The following MALRD1 variants were observed in gnomAD, a reference collection of about 807,000 sequenced individuals.
MALRD1 encodes MAM and LDL receptor class A domain containing 1, also known as MAM and LDL-receptor class A domain-containing protein 1.
MALRD1 carries 247 observed loss-of-function variants against 242.1 expected under a neutral mutation model. The observed-to-expected ratio is 1.02, with a 90% CI of 0.92 to 1.13. The LOEUF (loss-of-function observed/expected upper bound fraction) is 1.13. Among genes scored for constraint, MALRD1 ranks in the 50% most tolerant of loss-of-function variants. The pLI, the probability that MALRD1 is intolerant of heterozygous loss-of-function variation, is 0.00. For missense variants in MALRD1, 2,989 were observed against 2,533.1 expected (o/e 1.18, Z -3.86); for synonymous variants, 995 against 866.6 (o/e 1.15, Z -2.60).
intron 29 of MALRD1, among the ~76,000 whole-genome samples, chr10:19,462,965 CT>C (rs2131102775): frequency 6.6e-6 from 1 of 152,164 alleles, no homozygotes; most frequent in South Asian, 2.1e-4. Context: ...TTTCTTGAAG[CT>C]TTTGTGTATT....
In MALRD1 at chr10:19,066,752, G is replaced by C; in HGVS notation, c.233G>C (p.Gly78Ala). The C allele has an allele frequency of 8.1e-7, 1 of 1,233,644 alleles. No individual in the cohort carries two copies. Among genetic ancestry groups the C allele is most frequent in the Non-Finnish European group, 1.0e-6 (1 of 987,994 alleles). The allele number at this position is 1,233,644 out of a possible 1,614,324, so 76.4% of individuals were successfully genotyped here. ...LNYERCDFED[G>A]LCHMTQDQSL... ...TATGAAAGATGTGATTTTGAGGATG[G>C]TCTCTGTCATATGACTCAAGATCAG... The change falls in exon 2 of 40, where the codon GGT becomes GCT. Residue 78 changes from glycine (G) to alanine (A), a missense_variant. Physicochemically the swap from Gly to Ala is moderately conservative, Grantham distance 60. Coordinates refer to ENST00000454679, the MANE Select transcript of MALRD1 (RefSeq NM_001142308.3).
intron 31 of MALRD1, among the ~76,000 whole-genome samples, chr10:19,518,290 A>G (rs746375965): frequency 2.6e-5 from 4 of 152,250 alleles, no homozygotes; most frequent in Non-Finnish European, 4.4e-5. Context: ...TAATTTAACA[A>G]CATTAACATG....
At position 19,719,242 on chromosome 10, in the gene MALRD1, A is replaced by G. The variant is rs868379568; in HGVS notation, c.6315-11464A>G. 6.7e-5 allele frequency among the ~76,000 whole-genome samples: 8 copies of G among 119,754 alleles called. 1 individual carries two copies. Among genetic ancestry groups the G allele is most frequent in the African/African-American group, 1.8e-4 (6 of 33,538 alleles). The allele number at this position is 119,754 out of a possible 152,430, so 78.6% of individuals were successfully genotyped here. A position where few individuals can be genotyped will look rare whatever the true frequency, so the allele number is the denominator to read the frequency against. On this transcript the variant is annotated intron_variant, in intron 38 of 39. Transcript: ENST00000454679. ...TACATACATATATATATATATATAT[A>G]TATATATATATATATATGCTATCAA...
At chr10:19,263,660 C>T (rs963289124) in intron 19 of MALRD1, among the ~76,000 whole-genome samples, 3 of 152,066 alleles carry the variant, frequency 2.0e-5, no homozygotes, top group Admixed American at 1.3e-4. Flanking sequence ...ATGTAGATAT[C>T]CATTTCTTTA....
chr10:19,559,130 C>T (rs761615693), intron 32 of MALRD1, among the ~76,000 whole-genome samples: 29 of 151,822 alleles, frequency 1.9e-4, no homozygotes, highest in Admixed American at 2.0e-4. Context: ...TTGCAGTGAG[C>T]CGAGATAGTA....
chr10:19,161,284 A>G (rs1446270655), intron 12 of MALRD1, among the ~76,000 whole-genome samples: 13 of 105,868 alleles, frequency 1.2e-4, no homozygotes, highest in African/African-American at 4.0e-4. Flanking sequence ...ATTCTCACTC[A>G]TAGGTGGGAA....
chr10:19,130,566 A>G (rs1833061306), intron 8 of MALRD1, among the ~76,000 whole-genome samples: 1 of 152,172 alleles, frequency 6.6e-6, no homozygotes, highest in African/African-American at 2.4e-5. Context: ...GTATTATAAT[A>G]TGGTCTAATC....
At chr10:19,682,725 A>G (rs2131797979) in intron 36 of MALRD1, among the ~76,000 whole-genome samples, 1 of 152,304 alleles carries the variant, frequency 6.6e-6, no homozygotes, top group South Asian at 2.1e-4. Context: ...CACCCATGAC[A>G]ATGAGAATAG....
intron 28 of MALRD1, among the ~76,000 whole-genome samples, chr10:19,429,507 T>A (rs1834036418): frequency 6.6e-6 from 1 of 152,086 alleles, no homozygotes; most frequent in Non-Finnish European, 1.5e-5. Flanking sequence ...GAGGTTGCGG[T>A]GAGCCGAGGC....
At chr10:19,466,081 T>A (rs1836205218) in intron 29 of MALRD1, among the ~76,000 whole-genome samples, 1 of 152,220 alleles carries the variant, frequency 6.6e-6, no homozygotes. Context: ...GGTTGAATGT[T>A]TTTTAAAGAT....
chr10:19,583,349 T>G (rs1474531818), intron 33 of MALRD1, among the ~76,000 whole-genome samples: 1 of 150,690 alleles, frequency 6.6e-6, no homozygotes, highest in Non-Finnish European at 1.5e-5. Flanking sequence ...AGTATGATAT[T>G]GGCTGTGGGT....
At chr10:19,287,214 T>C (rs28375569) in intron 21 of MALRD1, among the ~76,000 whole-genome samples, 18,015 of 152,062 alleles carry the variant, frequency 0.12, 1,150 homozygotes, top group East Asian at 0.17. Flanking sequence ...TCCTATTATG[T>C]CCTAAGATCA....
At chr10:19,292,374 G>T (rs890719782) in intron 21 of MALRD1, among the ~76,000 whole-genome samples, 1 of 151,970 alleles carries the variant, frequency 6.6e-6, no homozygotes, top group African/African-American at 2.4e-5. Context: ...TTAAAATGTT[G>T]TGGATTTGCT....
chr10:19,125,318 CTTCCTTCTTTCT>C lies in MALRD1; in HGVS notation c.943+652_943+663del, dbSNP rs1281075637. Among the ~76,000 whole-genome samples, 432 of 79,916 alleles carry C rather than the reference CTTCCTTCTTTCT, an allele frequency of 5.4e-3. 2 individuals carry two copies. The highest frequency in any genetic ancestry group is 7.0e-3 in the South Asian group (14 of 2,000). The allele number at this position is 79,916 out of a possible 152,430, so 52.4% of individuals were successfully genotyped here. A position where few individuals can be genotyped will look rare whatever the true frequency, so the allele number is the denominator to read the frequency against. Reference sequence around the variant, plus strand: ...CCTTCCTTCCTTCCTTCCTTCCTTCCTTCCTTCTTTCTTTCTTTCTTTCTTTCTTTCTTTCTT... The same window carrying C: ...CCTTCCTTCCTTCCTTCCTTCCTTCCTTCTTTCTTTCTTTCTTTCTTTCTT... On this transcript the variant is annotated intron_variant, in intron 7 of 39. Coordinates refer to ENST00000454679, the MANE Select transcript of MALRD1 (RefSeq NM_001142308.3).
intron 1 of MALRD1, among the ~76,000 whole-genome samples, chr10:19,056,048 G>GT (rs1316374307): frequency 6.6e-6 from 1 of 152,078 alleles, no homozygotes; most frequent in African/African-American, 2.4e-5. Flanking sequence ...TTCTGTTGGT[G>GT]TATGTGTCTG....
intron 18 of MALRD1, among the ~76,000 whole-genome samples, chr10:19,249,191 T>G (rs112719421): frequency 6.6e-6 from 1 of 151,098 alleles, no homozygotes; most frequent in Non-Finnish European, 1.5e-5. Flanking sequence ...TAACCGAAGA[T>G]TGAAGGAAAG....
intron 24 of MALRD1, among the ~76,000 whole-genome samples, chr10:19,345,166 C>T (rs753475792): frequency 5.9e-5 from 9 of 152,016 alleles, no homozygotes; most frequent in Non-Finnish European, 1.3e-4. Context: ...TAGAAATAAA[C>T]TTTCCAAGGA....
chr10:19,716,830 A>C (rs1368992201), intron 38 of MALRD1: 1 of 152,228 alleles, frequency 6.6e-6, no homozygotes. Context: ...CATGCATGTT[A>C]CATTTAGAAA....
At chr10:19,665,131 G>A (rs527876859) in intron 36 of MALRD1, among the ~76,000 whole-genome samples, 4 of 152,212 alleles carry the variant, frequency 2.6e-5, no homozygotes, top group African/African-American at 7.2e-5. Flanking sequence ...GTTTATTAAC[G>A]CATGTATACA....
Sources: allele counts gnomAD v4.1 joint callset (sites outside exome capture counted in the v4.1 genomes callset), GRCh38; gene constraint gnomAD v4.1.1; transcripts MANE v1.5; gene names NCBI Gene and HGNC (gene_info 2026-07-23, HGNC 2026-07-21).